TOMM70: variants seen among roughly 807,000 people sequenced by gnomAD.
The protein encoded by TOMM70 is mitochondrial import receptor subunit TOM70.
Under a neutral mutation model 73.6 loss-of-function variants are expected in TOMM70, and 13 were observed. The ratio of observed to expected loss-of-function variants is 0.18; its 90% CI spans 0.11 to 0.28. TOMM70 has a LOEUF of 0.28. Ranked by LOEUF, TOMM70 falls within the 10% of genes least tolerant of loss-of-function variation. TOMM70 has a pLI of 1.00. For missense variants in TOMM70, 609 were observed against 747.5 expected (o/e 0.81, Z 2.16); for synonymous variants, 257 against 271.2 (o/e 0.95, Z 0.51).
chr3:100,372,499 C>T (rs1706521637), intron 9 of TOMM70, 107 bp downstream of exon 9: 10 of 880,684 alleles, frequency 1.1e-5, no homozygotes, highest in African/African-American at 1.7e-5. Flanking sequence ...AACAAAGCCA[C>T]CTGCTTCCAA....
At chr3:100,370,579 G>A (rs957198231) in intron 9 of TOMM70, among the ~76,000 whole-genome samples, 2 of 152,178 alleles carry the variant, frequency 1.3e-5, no homozygotes, top group African/African-American at 2.4e-5. Flanking sequence ...TGCTCAAGCT[G>A]TAACTTTGCG....
At chr3:100,391,038 G>A (rs972402203) in intron 1 of TOMM70, among the ~76,000 whole-genome samples, 4 of 152,222 alleles carry the variant, frequency 2.6e-5, no homozygotes, top group South Asian at 4.1e-4. Flanking sequence ...CTACTCAGGA[G>A]GCTGAGGCAG....
At chr3:100,370,110 A>G (rs1706492638) in intron 9 of TOMM70, among the ~76,000 whole-genome samples, 1 of 152,252 alleles carries the variant, frequency 6.6e-6, no homozygotes, top group Non-Finnish European at 1.5e-5. Flanking sequence ...TCTTAAAAAT[A>G]TCAAAGAAAT....
chr3:100,391,013 C>T (rs1272377683), intron 1 of TOMM70, among the ~76,000 whole-genome samples: 5 of 151,672 alleles, frequency 3.3e-5, no homozygotes, highest in Admixed American at 2.0e-4. Context: ...TGGTGGTGGG[C>T]GCCTGTAGTC....
At chr3:100,377,392 A>C (rs1002943048) in intron 6 of TOMM70, 3 of 241,134 alleles carry the variant, frequency 1.2e-5, no homozygotes, top group Admixed American at 5.0e-5. Flanking sequence ...AGCATTATCT[A>C]CAGAATTGCA....
At chr3:100,378,846 A>G (rs1484262766) in intron 5 of TOMM70, among the ~76,000 whole-genome samples, 1 of 152,140 alleles carries the variant, frequency 6.6e-6, no homozygotes, top group East Asian at 1.9e-4. Context: ...CTCTAATAAA[A>G]ATACAAAAAA....
At chr3:100,387,711 C>T (rs1221283132) in intron 1 of TOMM70, among the ~76,000 whole-genome samples, 2 of 150,406 alleles carry the variant, frequency 1.3e-5, no homozygotes, top group African/African-American at 2.5e-5. Context: ...TCTTGGCTTG[C>T]TGCAACCTCC....
intron 4 of TOMM70, among the ~76,000 whole-genome samples, chr3:100,383,397 C>T (rs1444480376): frequency 6.6e-6 from 1 of 151,994 alleles, no homozygotes; most frequent in Non-Finnish European, 1.5e-5. Flanking sequence ...GTGGTGCATG[C>T]CTGTAGTCCC....
chr3:100,400,643 C>T lies in TOMM70; in HGVS notation c.307G>A (p.Gly103Ser), dbSNP rs1706886285. The change falls in exon 1 of 12, where the codon GGT becomes AGT. Residue 103 changes from glycine (G) to serine (S), a missense_variant. Transcript: ENST00000284320. ...APGSGHPEGP[G>S]AHLDMNSLDR... ...CTTCTCACCATGTCCAAGTGAGCAC[C>T]GGGACCTTCAGGGTGTCCGCTGCCC... The T allele has an allele frequency of 1.2e-6, 2 of 1,612,242 alleles. No homozygotes were observed. The highest frequency in any genetic ancestry group is 1.7e-5 in the Admixed American group (1 of 59,964).
chr3:100,385,633 A>G (rs112287899), intron 3 of TOMM70, among the ~76,000 whole-genome samples: 1 of 152,168 alleles, frequency 6.6e-6, no homozygotes, highest in Non-Finnish European at 1.5e-5. Flanking sequence ...GAAATGGCCA[A>G]TCAGAGACCA....
intron 6 of TOMM70, among the ~76,000 whole-genome samples, chr3:100,376,384 T>TTTTTTTTTTTTTTTA (rs56879793): frequency 6.7e-6 from 1 of 150,326 alleles, no homozygotes; most frequent in African/African-American, 2.5e-5. Context: ...TTTTTTTTTT[T>TTTTTTTTTTTTTTTA]GAGACAGGAT....
intron 4 of TOMM70, among the ~76,000 whole-genome samples, chr3:100,382,429 A>G (rs931316168): frequency 6.6e-6 from 1 of 152,206 alleles, no homozygotes; most frequent in African/African-American, 2.4e-5. Context: ...TAAAAGTGGG[A>G]TAGAAAGAGA....
In TOMM70 at chr3:100,382,506, T is replaced by C. The variant is rs150458920; in HGVS notation, c.736-743A>G. Among the ~76,000 whole-genome samples, 375 of 152,298 alleles carry C rather than the reference T, an allele frequency of 2.5e-3. 1 individual carries two copies. Among genetic ancestry groups the C allele is most frequent in the Non-Finnish European group, 3.8e-3 (256 of 68,018 alleles). On this transcript the variant is annotated intron_variant, in intron 4 of 11. Transcript: ENST00000284320. Reference sequence around the variant, plus strand: ...GGCACTCTCTGGGGAGAGATTCAATTCGTTTTAATTTAGGATAACAAATAT... The same window carrying C: ...GGCACTCTCTGGGGAGAGATTCAATCCGTTTTAATTTAGGATAACAAATAT...
At position 100,364,115 on chromosome 3, in the gene TOMM70, C is replaced by T. The variant is rs943011745; in HGVS notation, c.*1449G>A. The T allele has an allele frequency of 3.4e-4, 52 of 152,196 alleles. No homozygotes were observed. Among genetic ancestry groups the T allele is most frequent in the Middle Eastern group, 3.4e-3 (1 of 294 alleles). 9.4% of individuals were successfully genotyped at this position (152,196 alleles called of 1,614,324 possible). A position where few individuals can be genotyped will look rare whatever the true frequency, so the allele number is the denominator to read the frequency against. On this transcript the variant is annotated 3_prime_UTR_variant, in exon 12 of 12. Coordinates refer to ENST00000284320, the MANE Select transcript of TOMM70 (RefSeq NM_014820.5). ...CCTGAAGAACACAACCCTTCCCTCA[C>T]CAGAAAAATCTAGCATATAAGCAAA...
At chr3:100,366,849 C>T (rs369024269) in intron 11 of TOMM70, among the ~76,000 whole-genome samples, 2 of 152,000 alleles carry the variant, frequency 1.3e-5, no homozygotes, top group African/African-American at 4.8e-5. Flanking sequence ...CAGCTTCGCT[C>T]AAAAAAGATT....
intron 1 of TOMM70, among the ~76,000 whole-genome samples, chr3:100,397,821 A>G (rs542141145): frequency 6.5e-4 from 99 of 152,166 alleles, no homozygotes; most frequent in African/African-American, 2.3e-3. Flanking sequence ...CCCAGGAGGC[A>G]GAGGTTGCAG....
chr3:100,368,963 G>A, intron 10 of TOMM70, 75 bp downstream of exon 10: 1 of 1,077,594 alleles, frequency 9.3e-7, no homozygotes, highest in Non-Finnish European at 1.4e-6. Flanking sequence ...CCCTTCCTCA[G>A]TGGCCAAAAT....
chr3:100,369,664 C>G (rs1003844450), intron 9 of TOMM70, among the ~76,000 whole-genome samples: 10 of 152,070 alleles, frequency 6.6e-5, no homozygotes, highest in Non-Finnish European at 1.5e-5. Context: ...CCTTGCCTGG[C>G]TAATTTTTGT....
At chr3:100,376,369 G>GTTTTGTT (rs1553737779) in intron 6 of TOMM70, among the ~76,000 whole-genome samples, 1 of 121,768 alleles carries the variant, frequency 8.2e-6, no homozygotes, top group African/African-American at 3.7e-5. Flanking sequence ...TCACACAGAA[G>GTTTTGTT]TTTTTTTTTT....
Sources: allele counts gnomAD v4.1 joint callset (sites outside exome capture counted in the v4.1 genomes callset), GRCh38; gene constraint gnomAD v4.1.1; transcripts MANE v1.5; gene names NCBI Gene and HGNC (gene_info 2026-07-23, HGNC 2026-07-21).